RBM6: variants seen among roughly 807,000 people sequenced by gnomAD.
RBM6 encodes the protein RNA binding motif protein 6, also known as RNA-binding protein 6.
RBM6 carries 23 observed loss-of-function variants against 140.4 expected under a neutral mutation model. The ratio of observed to expected loss-of-function variants is 0.16; its 90% CI spans 0.12 to 0.23. The LOEUF (loss-of-function observed/expected upper bound fraction) is 0.23, where lower values mean the gene tolerates loss of function less well. Among genes scored for constraint, RBM6 ranks in the 10% least tolerant of loss-of-function variants. RBM6 has a pLI of 1.00. For missense variants in RBM6, 1,139 were observed against 1,386.7 expected (o/e 0.82, Z 2.84); for synonymous variants, 439 against 475.6 (o/e 0.92, Z 1.00).
chr3:50,003,282 G>A (rs1426130133), intron 6 of RBM6, among the ~76,000 whole-genome samples: 3 of 148,702 alleles, frequency 2.0e-5, no homozygotes, highest in Admixed American at 1.4e-4. Flanking sequence ...TGAGCATGGG[G>A]TAAATAGTGA....
chr3:49,999,350 A>T, intron 5 of RBM6, 90 bp from the exon 6 acceptor site: 1 of 1,137,176 alleles, frequency 8.8e-7, no homozygotes, highest in Non-Finnish European at 1.3e-6. Flanking sequence ...GCTTGTGTTT[A>T]AGGGGTTCAG....
intron 14 of RBM6, 167 bp downstream of exon 14, chr3:50,061,714 C>G: frequency 7.0e-7 from 1 of 1,423,336 alleles, no homozygotes; most frequent in South Asian, 1.5e-5. Flanking sequence ...AGAACTGTTG[C>G]CTATATGGAA....
At chr3:49,980,761 T>TAAAA (rs1208250264) in intron 5 of RBM6, among the ~76,000 whole-genome samples, 1 of 119,128 alleles carries the variant, frequency 8.4e-6, no homozygotes, top group South Asian at 2.8e-4. Flanking sequence ...GAATTCATCT[T>TAAAA]AAAAAAAAAA....
intron 6 of RBM6, among the ~76,000 whole-genome samples, chr3:50,018,565 C>T (rs2624820): frequency 2.2e-5 from 3 of 136,246 alleles, no homozygotes; most frequent in East Asian, 4.5e-4. Context: ...ATTACTGGAT[C>T]GTATGGTAGG....
chr3:50,034,516 C>G (rs933933742), intron 6 of RBM6, among the ~76,000 whole-genome samples: 3 of 152,116 alleles, frequency 2.0e-5, no homozygotes. Context: ...AATCCCAGCA[C>G]TTTGGGAGGC....
At chr3:49,989,468 A>C (rs1184663501) in intron 5 of RBM6, among the ~76,000 whole-genome samples, 1 of 152,104 alleles carries the variant, frequency 6.6e-6, no homozygotes, top group Non-Finnish European at 1.5e-5. Context: ...CCAGCTACTC[A>C]GGAGGCTGAG....
chr3:50,063,005 C>A (rs1255818409), intron 15 of RBM6, among the ~76,000 whole-genome samples: 1 of 151,484 alleles, frequency 6.6e-6, no homozygotes, highest in Non-Finnish European at 1.5e-5. Flanking sequence ...GCAGTCCTCC[C>A]ACCTCAGCCT....
chr3:50,065,160 TG>T (rs1339354876), intron 16 of RBM6, 34 bp downstream of exon 16: 2 of 1,520,916 alleles, frequency 1.3e-6, no homozygotes, highest in Non-Finnish European at 1.8e-6. Flanking sequence ...GACCTAGGGC[TG>T]GGGCTGGGGA....
intron 1 of RBM6, among the ~76,000 whole-genome samples, chr3:49,958,817 C>T (rs958183412): frequency 6.1e-5 from 8 of 130,292 alleles, no homozygotes; most frequent in African/African-American, 2.3e-4. Context: ...AATGGAGTCT[C>T]ACTCTGTTGC....
chr3:49,958,516 C>G (rs1249258930), intron 1 of RBM6, among the ~76,000 whole-genome samples: 1 of 151,916 alleles, frequency 6.6e-6, no homozygotes, highest in East Asian at 1.9e-4. Flanking sequence ...GCGGAGCTTG[C>G]AGTGAGCCAA....
Position 50,036,039 on chromosome 3 carries a change from C to T in RBM6, c.1558-12206C>T, listed in dbSNP as rs567708280. 3.7e-4 allele frequency among the ~76,000 whole-genome samples: 57 copies of T among 152,164 alleles called. 1 individual carries two copies. The highest frequency in any genetic ancestry group is 1.1e-3 in the African/African-American group (44 of 41,518). On this transcript the variant is annotated intron_variant, in intron 6 of 20. Coordinates refer to ENST00000266022, the MANE Select transcript of RBM6 (RefSeq NM_005777.3). The stretch of plus-strand genomic sequence containing the variant: ...CCTCCCAAAGTGCTGGGATTACAGA[C>T]GTGAGCCACTGCGCCCAGCTCAATT...
In RBM6 at chr3:50,012,087, G is replaced by A. The variant is rs559976400; in HGVS notation, c.1557+12574G>A. On this transcript the variant is annotated intron_variant, in intron 6 of 20. Coordinates refer to ENST00000266022, the MANE Select transcript of RBM6 (RefSeq NM_005777.3). The stretch of plus-strand genomic sequence containing the variant: ...GTTGGTCTTGAACTTCTAAACTCAA[G>A]CAATCCTTCCTGCCTCACCTTCCCA... 2.6e-5 allele frequency among the ~76,000 whole-genome samples: 4 copies of A among 152,246 alleles called. No homozygotes were observed. The East Asian group carries it at 7.7e-4, about 29-fold the overall frequency.
intron 5 of RBM6, among the ~76,000 whole-genome samples, chr3:49,983,296 C>T (rs2085394326): frequency 6.6e-6 from 1 of 152,066 alleles, no homozygotes; most frequent in South Asian, 2.1e-4. Flanking sequence ...GGATAGAAAT[C>T]CATTGTGAAA....
intron 2 of RBM6, among the ~76,000 whole-genome samples, chr3:49,963,760 G>T (rs751591213): frequency 1.3e-5 from 2 of 152,068 alleles, no homozygotes; most frequent in Non-Finnish European, 2.9e-5. Context: ...TTTTCGTATT[G>T]TGTTTACAAT....
At chr3:50,058,596 C>A in intron 10 of RBM6, 34 bp downstream of exon 10, 1 of 1,557,744 alleles carries the variant, frequency 6.4e-7, no homozygotes, top group Non-Finnish European at 8.8e-7. Flanking sequence ...GGCCTAGAGA[C>A]AGATGGCTAA....
Position 49,967,723 on chromosome 3 carries a change from T to C in RBM6, c.298T>C (p.Phe100Leu). ...GPGHDFRGGD[F>L]SSSDFQSRDS... The stretch of plus-strand genomic sequence containing the variant: ...TGGACATGATTTCAGGGGGGGAGAT[T>C]TTTCGTCTTCTGATTTCCAGAGCAG... The change falls in exon 3 of 21, where the codon TTT becomes CTT. Residue 100 changes from phenylalanine to leucine, a missense_variant. Around this residue, in one of 9 missense-constraint regions of RBM6, gnomAD observed 566 missense variants for 612.7 expected, o/e 0.92. Transcript: ENST00000266022. The surrounding 1 kb of genome is among the most constrained non-coding windows in gnomAD (Gnocchi z 4.0). 6.2e-7 allele frequency: 1 copy of C among 1,613,702 alleles called. No homozygotes were observed. The highest frequency in any genetic ancestry group is 8.5e-7 in the Non-Finnish European group (1 of 1,179,938).
At chr3:50,040,185 G>A (rs913268063) in intron 6 of RBM6, among the ~76,000 whole-genome samples, 2 of 151,958 alleles carry the variant, frequency 1.3e-5, no homozygotes, top group African/African-American at 4.8e-5. Context: ...CCTGGCTCAC[G>A]CCTGTAATCC....
At chr3:49,992,448 C>G (rs1415621371) in intron 5 of RBM6, among the ~76,000 whole-genome samples, 1 of 152,200 alleles carries the variant, frequency 6.6e-6, no homozygotes, top group African/African-American at 2.4e-5. Flanking sequence ...TGCTAAAGTA[C>G]TGGGACATAT....
At chr3:50,051,047 A>AG (rs2089445720) in intron 7 of RBM6, among the ~76,000 whole-genome samples, 3 of 151,974 alleles carry the variant, frequency 2.0e-5, no homozygotes, top group African/African-American at 4.8e-5. Context: ...AAGAAAAAAA[A>AG]AGAGAGAGAG....
Sources: allele counts gnomAD v4.1 joint callset (sites outside exome capture counted in the v4.1 genomes callset), GRCh38; gene constraint gnomAD v4.1.1; regional missense constraint gnomAD v4.1.1; non-coding constraint Gnocchi (gnomAD v3.1); transcripts MANE v1.5; gene names NCBI Gene and HGNC (gene_info 2026-07-23, HGNC 2026-07-21).